Variants in WDTC1 observed in about 807,000 individuals in gnomAD.
The protein encoded by WDTC1 is WD and tetratricopeptide repeats 1.
A neutral mutation model predicts 76.0 loss-of-function variants in WDTC1; 12 were observed. The ratio of observed to expected loss-of-function variants is 0.16; its 90% CI spans 0.10 to 0.26. WDTC1 has a LOEUF of 0.26. Among genes scored for constraint, WDTC1 ranks in the 10% least tolerant of loss-of-function variants. WDTC1 has a pLI of 1.00. For missense variants in WDTC1, 511 were observed against 908.8 expected (o/e 0.56, Z 5.63); for synonymous variants, 326 against 350.8 (o/e 0.93, Z 0.79).
intron 3 of WDTC1, among the ~76,000 whole-genome samples, chr1:27,266,433 G>A (rs963176374): frequency 5.9e-5 from 9 of 152,114 alleles, no homozygotes; most frequent in Admixed American, 5.9e-4. Flanking sequence ...ATATGAACTT[G>A]GAGAAGTTGT....
chr1:27,242,034 G>A lies in WDTC1; in HGVS notation c.-100+7083G>A, dbSNP rs12031864. Among the ~76,000 whole-genome samples the A allele has an allele frequency of 6.2e-3, 942 of 152,114 alleles. 50 individuals carry two copies. The East Asian group carries it at 0.13, about 21-fold the overall frequency. On this transcript the variant is annotated intron_variant, in intron 1 of 15. Transcript: ENST00000319394. ...AGCCTCCTGAGTAGCTAGGATTACAGGCGTGTGCCATCACGCCTGGCTAAT... is the reference window on the plus strand; with the variant it reads ...AGCCTCCTGAGTAGCTAGGATTACAAGCGTGTGCCATCACGCCTGGCTAAT...
chr1:27,275,907 A>G (rs1481406126), intron 3 of WDTC1, among the ~76,000 whole-genome samples: 1 of 152,196 alleles, frequency 6.6e-6, no homozygotes, highest in Non-Finnish European at 1.5e-5. Flanking sequence ...TCCTTCTCCC[A>G]TACTGGCCCT....
At chr1:27,256,276 G>T (rs533699946) in intron 1 of WDTC1, among the ~76,000 whole-genome samples, 1 of 152,260 alleles carries the variant, frequency 6.6e-6, no homozygotes, top group African/African-American at 2.4e-5. Context: ...TACACTCCAG[G>T]TGAACTCTCT....
intron 1 of WDTC1, among the ~76,000 whole-genome samples, chr1:27,240,984 AC>A (rs1257671411): frequency 4.0e-5 from 6 of 150,930 alleles, no homozygotes; most frequent in Admixed American, 3.3e-4. Context: ...AAAAAAAAAA[AC>A]AAAAAAACTT....
chr1:27,240,972 C>A (rs201097880), intron 1 of WDTC1, among the ~76,000 whole-genome samples: 91 of 137,310 alleles, frequency 6.6e-4, no homozygotes, highest in East Asian at 1.3e-3. Context: ...GACTCCATCT[C>A]AAAAAAAAAA....
chr1:27,277,691 T>G (rs1327190749), intron 3 of WDTC1, among the ~76,000 whole-genome samples: 1 of 152,240 alleles, frequency 6.6e-6, no homozygotes, highest in Admixed American at 6.5e-5. Context: ...ATGTCTATTC[T>G]TATGCCAGTA....
At chr1:27,245,157 G>A (rs1056385504) in intron 1 of WDTC1, among the ~76,000 whole-genome samples, 3 of 151,518 alleles carry the variant, frequency 2.0e-5, no homozygotes, top group Admixed American at 6.6e-5. Flanking sequence ...TGTTAAATGG[G>A]GATTATTATC....
Position 27,274,673 on chromosome 1 carries a change from G to C in WDTC1, c.133-7566G>C, listed in dbSNP as rs17340628. Among the ~76,000 whole-genome samples, 5,308 of 152,254 alleles carry C rather than the reference G, an allele frequency of 0.035. 133 individuals carry two copies. The highest frequency in any genetic ancestry group is 0.051 in the Middle Eastern group (15 of 294). ...CATCCCTCTTTAGTTACATGTGCCA[G>C]CTCATCTCATGAGTTTTATTGTCAC... On this transcript the variant is annotated intron_variant, in intron 3 of 15. Transcript: ENST00000319394. The surrounding 1 kb of genome is among the most constrained non-coding windows in gnomAD (Gnocchi z 4.2).
chr1:27,296,789 T>C (rs1411420789), intron 10 of WDTC1, among the ~76,000 whole-genome samples: 5 of 24,328 alleles, frequency 2.1e-4, no homozygotes, highest in African/African-American at 8.3e-4. Flanking sequence ...GCCCCAACCC[T>C]AGCCCCAGCC....
At chr1:27,293,449 A>AAAAAAG (rs576038881) in intron 7 of WDTC1, among the ~76,000 whole-genome samples, 4,969 of 150,390 alleles carry the variant, frequency 0.033, 125 homozygotes, top group Middle Eastern at 0.051. Flanking sequence ...AAAAAAAAAA[A>AAAAAAG]AAAAGTATAA....
At chr1:27,265,587 C>A (rs1385428192) in intron 3 of WDTC1, among the ~76,000 whole-genome samples, 1 of 151,744 alleles carries the variant, frequency 6.6e-6, no homozygotes, top group Non-Finnish European at 1.5e-5. Flanking sequence ...GGAGGTTAAG[C>A]CTGCAGTGAG....
In WDTC1 at chr1:27,305,069, A is replaced by G. The variant is rs2013920807; in HGVS notation, c.1712A>G (p.Asn571Ser). 2.5e-6 allele frequency: 4 copies of G among 1,613,910 alleles called. No individual in the cohort carries two copies. Among genetic ancestry groups the G allele is most frequent in the South Asian group, 1.1e-5 (1 of 91,056 alleles). ...SFFIWEKETT[N>S]LVRVLQGDES... ...TTCATCTGGGAAAAGGAGACCACCA[A>G]CCTGGTCCGTGTGCTCCAAGGGGAT... Residue 571 changes from asparagine (N) to serine (S), a missense_variant, in exon 15 of 16, where the codon AAC becomes AGC. Asn to Ser is a conservative substitution (Grantham distance 46). Transcript: ENST00000319394. The surrounding 1 kb of genome is among the most constrained non-coding windows in gnomAD (Gnocchi z 4.6).
In WDTC1 at chr1:27,234,767, G is replaced by A; in HGVS notation, c.-284G>A. Reference sequence around the variant, plus strand: ...TGTGAGGCGGTGCGCAGGGGCGGGCGGAGGCGCTGTCCGGCCCCGGCCAGG... The same window carrying A: ...TGTGAGGCGGTGCGCAGGGGCGGGCAGAGGCGCTGTCCGGCCCCGGCCAGG... On this transcript the variant is annotated 5_prime_UTR_variant, in exon 1 of 16. Transcript: ENST00000319394. 2 of 399,130 alleles carry A rather than the reference G, an allele frequency of 5.0e-6. No individual in the cohort carries two copies. The highest frequency in any genetic ancestry group is 8.8e-6 in the Non-Finnish European group (2 of 226,684). The allele number at this position is 399,130 out of a possible 1,614,324, so 24.7% of individuals were successfully genotyped here. A position where few individuals can be genotyped will look rare whatever the true frequency, so the allele number is the denominator to read the frequency against.
chr1:27,256,831 A>G (rs1248086703), intron 1 of WDTC1, among the ~76,000 whole-genome samples: 1 of 152,134 alleles, frequency 6.6e-6, no homozygotes, highest in Non-Finnish European at 1.5e-5. Flanking sequence ...AATGCCTGGC[A>G]CATAGTAAGT....
intron 1 of WDTC1, among the ~76,000 whole-genome samples, chr1:27,242,341 C>T (rs1557474621): frequency 1.3e-5 from 2 of 152,180 alleles, no homozygotes; most frequent in Admixed American, 6.5e-5. Context: ...TGGTGATTTG[C>T]ACCTGTAATC....
In WDTC1 at chr1:27,241,231, A is replaced by T. The variant is rs74061741; in HGVS notation, c.-100+6280A>T. 4.9e-3 allele frequency among the ~76,000 whole-genome samples: 743 copies of T among 152,108 alleles called. 8 individuals are homozygous for T. The highest frequency in any genetic ancestry group is 0.017 in the African/African-American group (697 of 41,482). ...TAATCCTCCGTATAGCCATCTGGGG[A>T]GGTATTAACCCCATTTTCTTGGAGA... is the stretch of plus-strand genomic sequence containing the variant. On this transcript the variant is annotated intron_variant, in intron 1 of 15. Coordinates refer to ENST00000319394, the MANE Select transcript of WDTC1 (RefSeq NM_001276252.2).
At chr1:27,278,415 C>T (rs947278799) in intron 3 of WDTC1, among the ~76,000 whole-genome samples, 2 of 152,158 alleles carry the variant, frequency 1.3e-5, no homozygotes, top group Non-Finnish European at 2.9e-5. Context: ...TTCATTAATT[C>T]AGTCATATTT....
At chr1:27,261,933 ATTT>A (rs1300387135) in intron 2 of WDTC1, among the ~76,000 whole-genome samples, 1 of 147,168 alleles carries the variant, frequency 6.8e-6, no homozygotes. Flanking sequence ...TACTAAAAAA[ATTT>A]TTTTTTTTTT....
At position 27,273,239 on chromosome 1, in the gene WDTC1, C is replaced by T. The variant is rs1337434150; in HGVS notation, c.133-9000C>T. 4.3e-5 allele frequency among the ~76,000 whole-genome samples: 5 copies of T among 115,352 alleles called. No homozygotes were observed. In the East Asian group the frequency reaches 1.4e-3, roughly 31 times the overall value. 75.7% of individuals were successfully genotyped at this position (115,352 alleles called of 152,430 possible). A position where few individuals can be genotyped will look rare whatever the true frequency, so the allele number is the denominator to read the frequency against. On this transcript the variant is annotated intron_variant, in intron 3 of 15. Coordinates refer to ENST00000319394, the MANE Select transcript of WDTC1 (RefSeq NM_001276252.2). ...TTTTTTTTTTTTTGAGATGGAGTCTCGCTCTGTCAGCCAGGCTGGAGTGCA... is the reference window on the plus strand; with the variant it reads ...TTTTTTTTTTTTTGAGATGGAGTCTTGCTCTGTCAGCCAGGCTGGAGTGCA...
Sources: allele counts gnomAD v4.1 joint callset (sites outside exome capture counted in the v4.1 genomes callset), GRCh38; gene constraint gnomAD v4.1.1; non-coding constraint Gnocchi (gnomAD v3.1); transcripts MANE v1.5; gene names NCBI Gene and HGNC (gene_info 2026-07-23, HGNC 2026-07-21).